Variants in ITGBL1 observed in about 807,000 individuals in gnomAD.
The protein encoded by ITGBL1 is integrin subunit beta like 1.
A neutral mutation model predicts 68.5 loss-of-function variants in ITGBL1; 51 were observed. The observed-to-expected ratio is 0.74, with a 90% CI of 0.59 to 0.94. ITGBL1 has a LOEUF of 0.94. Ranked by LOEUF, ITGBL1 falls within the 40% of genes least tolerant of loss-of-function variation. ITGBL1 has a pLI of 0.00. For missense variants in ITGBL1, 649 were observed against 647.4 expected, an observed-to-expected ratio of 1.00 and a Z score of -0.03; for synonymous variants, 209 against 227.3, an observed-to-expected ratio of 0.92 and a Z score of 0.72.
intron 2 of ITGBL1, among the ~76,000 whole-genome samples, chr13:101,540,609 T>C (rs1424065913): frequency 6.6e-6 from 1 of 152,200 alleles, no homozygotes; most frequent in Non-Finnish European, 1.5e-5. Context: ...GGTAGCTTGA[T>C]GGGGATGGCA....
intron 9 of ITGBL1, among the ~76,000 whole-genome samples, chr13:101,708,609 G>A (rs1352994313): frequency 6.6e-6 from 1 of 152,164 alleles, no homozygotes; most frequent in African/African-American, 2.4e-5. Context: ...GTTTTGCCTC[G>A]TATGCAAGAC....
chr13:101,532,662 T>C (rs1442468984), intron 2 of ITGBL1, among the ~76,000 whole-genome samples: 11 of 152,214 alleles, frequency 7.2e-5, no homozygotes, highest in Admixed American at 7.2e-4. Flanking sequence ...ACTGTACATA[T>C]GCAAAGGAAT....
chr13:101,471,936 A>C lies in ITGBL1; in HGVS notation c.316+17836A>C, dbSNP rs557594005. ...TATTCAGTGAAATTAATTTATTGAC[A>C]TGATCATAAACATCTGACATTTAAA... On this transcript the variant is annotated intron_variant, in intron 2 of 10. Transcript: ENST00000376180. Among the ~76,000 whole-genome samples the C allele has an allele frequency of 1.2e-4, 18 of 152,334 alleles. No homozygotes were observed. In the East Asian group the frequency reaches 1.3e-3, roughly 11 times the overall value.
intron 2 of ITGBL1, among the ~76,000 whole-genome samples, chr13:101,500,883 G>A (rs2048930686): frequency 6.6e-6 from 1 of 152,114 alleles, no homozygotes. Flanking sequence ...ACCATTTCAG[G>A]ACAAAAGCAA....
chr13:101,543,672 C>T (rs182895856), intron 2 of ITGBL1, among the ~76,000 whole-genome samples: 3 of 152,324 alleles, frequency 2.0e-5, no homozygotes, highest in Middle Eastern at 3.4e-3. Context: ...TGGTTCCATT[C>T]TCCCTGTCAC....
intron 7 of ITGBL1, among the ~76,000 whole-genome samples, chr13:101,676,165 T>C (rs2033497426): frequency 6.6e-6 from 1 of 152,162 alleles, no homozygotes; most frequent in South Asian, 2.1e-4. Context: ...TTATTTTTAG[T>C]GAATCTGTCC....
intron 2 of ITGBL1, among the ~76,000 whole-genome samples, chr13:101,461,949 T>A (rs1013228753): frequency 1.3e-5 from 2 of 152,190 alleles, no homozygotes; most frequent in African/African-American, 4.8e-5. Flanking sequence ...AAGGTGTTGA[T>A]AGCCTCTGTT....
intron 7 of ITGBL1, among the ~76,000 whole-genome samples, chr13:101,598,989 T>C (rs1403318256): frequency 6.6e-6 from 1 of 152,202 alleles, no homozygotes; most frequent in Non-Finnish European, 1.5e-5. Flanking sequence ...TTTCTAGTTC[T>C]AGATCCCTGA....
At chr13:101,588,853 A>T (rs2139302703) in intron 6 of ITGBL1, among the ~76,000 whole-genome samples, 1 of 152,336 alleles carries the variant, frequency 6.6e-6, no homozygotes, top group East Asian at 1.9e-4. Context: ...CATAACTTTT[A>T]AAATTGGAAT....
intron 2 of ITGBL1, among the ~76,000 whole-genome samples, chr13:101,538,537 T>A (rs558603244): frequency 1.3e-5 from 2 of 152,246 alleles, no homozygotes; most frequent in African/African-American, 2.4e-5. Context: ...TTGGATTTTT[T>A]AAATTTACCT....
intron 2 of ITGBL1, among the ~76,000 whole-genome samples, chr13:101,481,580 G>T (rs1307888712): frequency 6.6e-6 from 1 of 151,896 alleles, no homozygotes; most frequent in East Asian, 1.9e-4. Context: ...AGAGATATCT[G>T]AGTGTCTTTT....
At chr13:101,630,927 C>A (rs1345182875) in intron 7 of ITGBL1, among the ~76,000 whole-genome samples, 1 of 152,110 alleles carries the variant, frequency 6.6e-6, no homozygotes, top group Non-Finnish European at 1.5e-5. Flanking sequence ...AGTGTTTCTG[C>A]TAAAATAATT....
At position 101,454,138 on chromosome 13, in the gene ITGBL1, A is replaced by G. The variant is rs1200333014; in HGVS notation, c.316+38A>G. 3 of 1,447,722 alleles carry G rather than the reference A, an allele frequency of 2.1e-6. No homozygotes were observed. In the African/African-American group the frequency reaches 4.3e-5, roughly 21 times the overall value. 89.7% of individuals were successfully genotyped at this position (1,447,722 alleles called of 1,614,324 possible). ...CGCTGTCTCCTCCCTCGGGAGGTCG[A>G]AACTCCTCTTCTGGGATTTCTGCCA... On this transcript the variant is annotated intron_variant, in intron 2 of 10. Transcript: ENST00000376180.
chr13:101,490,739 G>T (rs2048764288), intron 2 of ITGBL1, among the ~76,000 whole-genome samples: 1 of 152,190 alleles, frequency 6.6e-6, no homozygotes, highest in African/African-American at 2.4e-5. Flanking sequence ...ACACATGTAG[G>T]CAAAGCCACA....
chr13:101,469,464 C>T (rs2048427564), intron 2 of ITGBL1, among the ~76,000 whole-genome samples: 1 of 152,272 alleles, frequency 6.6e-6, no homozygotes, highest in Non-Finnish European at 1.5e-5. Context: ...GGTGGATCAC[C>T]TGAGGTCACG....
intron 7 of ITGBL1, among the ~76,000 whole-genome samples, chr13:101,672,979 T>C (rs1460135879): frequency 6.6e-6 from 1 of 152,126 alleles, no homozygotes; most frequent in Non-Finnish European, 1.5e-5. Flanking sequence ...CTAGACAATT[T>C]GATGTAAATT....
chr13:101,453,849 GACC>G, intron 1 of ITGBL1, 31 bp from the exon 2 acceptor site: 2 of 1,226,976 alleles, frequency 1.6e-6, no homozygotes, highest in Non-Finnish European at 2.0e-6. Context: ...GTCCGCGTCT[GACC>G]CGGCCTGCCG....
intron 2 of ITGBL1, among the ~76,000 whole-genome samples, chr13:101,539,605 T>C (rs1283228743): frequency 6.6e-6 from 1 of 151,866 alleles, no homozygotes; most frequent in Non-Finnish European, 1.5e-5. Flanking sequence ...TTTCTAGTTT[T>C]AGATCCCTGA....
rs552602442 is a variant in ITGBL1, at chr13:101,594,878, A to G, written c.869-3275A>G. On this transcript the variant is annotated intron_variant, in intron 6 of 10. Coordinates refer to ENST00000376180, the MANE Select transcript of ITGBL1 (RefSeq NM_004791.3). ...CAGTTGAGGAAAGGAGTTGTAGACA[A>G]GTTTGACCAACATGGTAAAACCCCG... Among the ~76,000 whole-genome samples, 20 of 152,308 alleles carry G rather than the reference A, an allele frequency of 1.3e-4. No homozygotes were observed. In the South Asian group the frequency reaches 3.9e-3, roughly 30 times the overall value.
Sources: gnomAD v4.1 joint callset for allele counts (sites outside exome capture counted in the v4.1 genomes callset) on GRCh38, gnomAD v4.1.1 for gene constraint, MANE v1.5 for transcripts, NCBI Gene and HGNC (gene_info 2026-07-23, HGNC 2026-07-21) for gene names.